The following BRINP3 variants were observed in gnomAD, a reference collection of about 807,000 sequenced individuals.
BRINP3 encodes BMP/retinoic acid-inducible neural-specific protein 3.
In BRINP3, 19 loss-of-function variants were observed where a neutral mutation model predicts 71.0. That is an observed-to-expected ratio of 0.27 (90% CI 0.19 to 0.39). The LOEUF (loss-of-function observed/expected upper bound fraction) is 0.39. BRINP3 is among the 10% of genes least tolerant of loss of function. The pLI is 1.00. For missense variants in BRINP3, 959 were observed against 940.8 expected, an observed-to-expected ratio of 1.02 and a Z score of -0.25; for synonymous variants, 380 against 337.7, an observed-to-expected ratio of 1.13 and a Z score of -1.37.
At chr1:190,208,670 T>G (rs552506330) in intron 6 of BRINP3, among the ~76,000 whole-genome samples, 7 of 152,004 alleles carry the variant, frequency 4.6e-5, no homozygotes, top group Admixed American at 2.0e-4. Context: ...AATTTTTGTA[T>G]TTTTAGTAGA....
intron 6 of BRINP3, among the ~76,000 whole-genome samples, chr1:190,213,025 G>A (rs1237041010): frequency 1.3e-5 from 2 of 152,018 alleles, no homozygotes; most frequent in Non-Finnish European, 2.9e-5. Flanking sequence ...TGGATTCAGT[G>A]GATCATGAAG....
At chr1:190,453,654 C>G (rs1003010876) in intron 2 of BRINP3, among the ~76,000 whole-genome samples, 6 of 152,112 alleles carry the variant, frequency 3.9e-5, no homozygotes, top group African/African-American at 9.7e-5. Flanking sequence ...GGAACTTGCT[C>G]AGGACATTCA....
At chr1:190,339,464 G>A (rs1667513797) in intron 2 of BRINP3, among the ~76,000 whole-genome samples, 1 of 151,954 alleles carries the variant, frequency 6.6e-6, no homozygotes, top group South Asian at 2.1e-4. Flanking sequence ...AAGAAAATAA[G>A]TAGGTTTCTC....
At chr1:190,262,662 C>T (rs926651931) in intron 4 of BRINP3, among the ~76,000 whole-genome samples, 5 of 152,108 alleles carry the variant, frequency 3.3e-5, no homozygotes, top group African/African-American at 4.8e-5. Flanking sequence ...GGGCATTCCC[C>T]GTGGCCCTGT....
At chr1:190,345,971 A>T (rs1667997565) in intron 2 of BRINP3, among the ~76,000 whole-genome samples, 1 of 151,982 alleles carries the variant, frequency 6.6e-6, no homozygotes, top group Non-Finnish European at 1.5e-5. Flanking sequence ...TATTTAAATA[A>T]ATTATAATAG....
chr1:190,329,961 C>T lies in BRINP3; in HGVS notation c.237-48211G>A, dbSNP rs541599316. Among the ~76,000 whole-genome samples, 5 of 151,808 alleles carry T rather than the reference C, an allele frequency of 3.3e-5. No homozygotes were observed. In the East Asian group the frequency reaches 9.7e-4, roughly 29 times the overall value. On this transcript the variant is annotated intron_variant, in intron 2 of 7. Transcript: ENST00000367462. ...GCAGAAGAATGAAACTGGACCCATA[C>T]CATTCATCATAAAAAAAAAGCCTCA...
chr1:190,264,804 T>C (rs1661507815), intron 4 of BRINP3, 61 bp downstream of exon 4: 1 of 1,415,380 alleles, frequency 7.1e-7, no homozygotes, highest in African/African-American at 1.5e-5. Flanking sequence ...TAAAAATGCC[T>C]TTTGGATATA....
chr1:190,476,846 T>C (rs1170527338), intron 1 of BRINP3, among the ~76,000 whole-genome samples: 1 of 152,176 alleles, frequency 6.6e-6, no homozygotes, highest in Non-Finnish European at 1.5e-5. Context: ...ATGTGTGATT[T>C]GAAATATTTT....
At chr1:190,475,920 G>A (rs1677470277) in intron 1 of BRINP3, 1 of 151,712 alleles carries the variant, frequency 6.6e-6, no homozygotes, top group Admixed American at 6.6e-5. Flanking sequence ...ATTATATGAA[G>A]CCCTCCTTTC....
intron 2 of BRINP3, among the ~76,000 whole-genome samples, chr1:190,326,402 C>T (rs1666580888): frequency 6.6e-6 from 1 of 152,054 alleles, no homozygotes; most frequent in South Asian, 2.1e-4. Context: ...CACAGGAAAA[C>T]TTCCCTAATC....
intron 7 of BRINP3, among the ~76,000 whole-genome samples, chr1:190,144,904 C>A (rs1335462063): frequency 6.6e-6 from 1 of 152,174 alleles, no homozygotes; most frequent in African/African-American, 2.4e-5. Context: ...CTGTAATTCA[C>A]TTCTCCAGAT....
At chr1:190,300,242 C>A (rs1037762698) in intron 2 of BRINP3, among the ~76,000 whole-genome samples, 1 of 152,034 alleles carries the variant, frequency 6.6e-6, no homozygotes. Context: ...GGAGGCTTTG[C>A]TTGTTTCTTT....
intron 4 of BRINP3, among the ~76,000 whole-genome samples, chr1:190,236,949 T>C (rs114547237): frequency 0.014 from 2,149 of 152,008 alleles, 31 homozygotes; most frequent in Middle Eastern, 0.024. Context: ...TCATACTCAT[T>C]GACATAGTGA....
At chr1:190,392,186 T>C (rs1377308014) in intron 2 of BRINP3, among the ~76,000 whole-genome samples, 1 of 151,718 alleles carries the variant, frequency 6.6e-6, no homozygotes, top group Non-Finnish European at 1.5e-5. Flanking sequence ...CAATGCTCCA[T>C]ATCATAATAT....
intron 7 of BRINP3, among the ~76,000 whole-genome samples, chr1:190,108,683 C>T (rs1891587): frequency 0.41 from 60,597 of 149,172 alleles, 13,166 homozygotes; most frequent in Non-Finnish European, 0.49. Context: ...AAATTACTAT[C>T]TCACATCTAC....
chr1:190,462,660 G>A (rs1446769782), intron 1 of BRINP3, among the ~76,000 whole-genome samples: 1 of 151,978 alleles, frequency 6.6e-6, no homozygotes, highest in Non-Finnish European at 1.5e-5. Context: ...GATATACCAA[G>A]CATTTCACGA....
intron 2 of BRINP3, among the ~76,000 whole-genome samples, chr1:190,395,994 C>G (rs374436810): frequency 3.3e-5 from 5 of 149,414 alleles, no homozygotes; most frequent in South Asian, 4.2e-4. Flanking sequence ...AGGAAGGAAG[C>G]AAGGAAGGAA....
intron 3 of BRINP3, among the ~76,000 whole-genome samples, chr1:190,278,531 A>G (rs1156586224): frequency 1.3e-5 from 2 of 151,710 alleles, no homozygotes; most frequent in African/African-American, 4.8e-5. Flanking sequence ...TTAATCGCAG[A>G]TATCTTATAT....
intron 3 of BRINP3, among the ~76,000 whole-genome samples, chr1:190,272,416 G>T (rs1480209678): frequency 1.3e-5 from 2 of 151,360 alleles, no homozygotes; most frequent in Non-Finnish European, 3.0e-5. Flanking sequence ...TGGTAAAGTT[G>T]CATATGTACT....
Sources: gnomAD v4.1 joint callset for allele counts (sites outside exome capture counted in the v4.1 genomes callset) on GRCh38, gnomAD v4.1.1 for gene constraint, MANE v1.5 for transcripts, NCBI Gene and HGNC (gene_info 2026-07-23, HGNC 2026-07-21) for gene names.